The following ARHGAP22 variants were observed in gnomAD, a reference collection of about 807,000 sequenced individuals.
The protein encoded by ARHGAP22 is Rho GTPase activating protein 22.
ARHGAP22 carries 48 observed loss-of-function variants against 59.1 expected under a neutral mutation model. The ratio of observed to expected loss-of-function variants is 0.81; its 90% CI spans 0.64 to 1.03. ARHGAP22 has a LOEUF of 1.03. ARHGAP22 is among the 50% of genes least tolerant of loss of function. The pLI, the probability that ARHGAP22 is intolerant of heterozygous loss-of-function variation, is 0.00. For missense variants in ARHGAP22, 1,015 were observed against 958.7 expected (o/e 1.06, Z -0.78); for synonymous variants, 445 against 416.4 (o/e 1.07, Z -0.84).
chr10:48,523,793 C>G (rs1365996712), intron 3 of ARHGAP22, among the ~76,000 whole-genome samples: 3 of 151,806 alleles, frequency 2.0e-5, no homozygotes, highest in Non-Finnish European at 4.4e-5. Flanking sequence ...TCTACCCACT[C>G]CCGCCCAGGG....
At chr10:48,588,793 C>T (rs528451476) in intron 1 of ARHGAP22, among the ~76,000 whole-genome samples, 25 of 152,320 alleles carry the variant, frequency 1.6e-4, no homozygotes, top group African/African-American at 4.8e-4. Context: ...ACAACCACCA[C>T]GGAGGGATGA....
intron 3 of ARHGAP22, chr10:48,523,920 C>A (rs1263637097): frequency 1.6e-6 from 1 of 632,186 alleles, no homozygotes; most frequent in Non-Finnish European, 2.3e-6. Context: ...GAGCAGCAGC[C>A]GCACCTGAGC....
chr10:48,652,112 A>G (rs1453612490), intron 1 of ARHGAP22: 22 of 939,980 alleles, frequency 2.3e-5, no homozygotes, highest in African/African-American at 4.9e-5. Flanking sequence ...AACCCTGACC[A>G]CAGATGCCGC....
intron 3 of ARHGAP22, among the ~76,000 whole-genome samples, chr10:48,504,024 G>A (rs1405963618): frequency 6.6e-6 from 1 of 152,230 alleles, no homozygotes; most frequent in East Asian, 1.9e-4. Context: ...TGTTCAGGAA[G>A]CTATCCCAGG....
At chr10:48,481,067 G>A (rs1038793975) in intron 3 of ARHGAP22, among the ~76,000 whole-genome samples, 1 of 152,254 alleles carries the variant, frequency 6.6e-6, no homozygotes, top group Non-Finnish European at 1.5e-5. Context: ...AACCTCTGGA[G>A]CCCTTCACTA....
intron 4 of ARHGAP22, among the ~76,000 whole-genome samples, chr10:48,460,977 G>A (rs1486177199): frequency 1.3e-5 from 2 of 152,236 alleles, no homozygotes; most frequent in African/African-American, 4.8e-5. Flanking sequence ...AGGAGCTGGG[G>A]ACAGGGGAGA....
intron 1 of ARHGAP22, among the ~76,000 whole-genome samples, chr10:48,626,171 C>G (rs979303853): frequency 1.3e-5 from 2 of 152,290 alleles, no homozygotes; most frequent in Non-Finnish European, 2.9e-5. Context: ...CTAACCCTAT[C>G]CCACCCCTAA....
At chr10:48,523,711 C>T (rs1047365082) in intron 3 of ARHGAP22, among the ~76,000 whole-genome samples, 1 of 151,992 alleles carries the variant, frequency 6.6e-6, no homozygotes, top group Admixed American at 6.5e-5. Context: ...CCGTCCCGGC[C>T]GTGGACTTGG....
intron 3 of ARHGAP22, among the ~76,000 whole-genome samples, chr10:48,540,548 T>C (rs192190915): frequency 1.3e-5 from 2 of 152,290 alleles, no homozygotes; most frequent in Non-Finnish European, 2.9e-5. Context: ...GTCAATTCTT[T>C]ATATGGAGGA....
chr10:48,503,399 T>C (rs2051737177), intron 3 of ARHGAP22, among the ~76,000 whole-genome samples: 1 of 152,216 alleles, frequency 6.6e-6, no homozygotes, highest in Admixed American at 6.5e-5. Context: ...CAGCTTCCAG[T>C]GTCAACCTGT....
intron 1 of ARHGAP22, among the ~76,000 whole-genome samples, chr10:48,639,640 A>T (rs954640534): frequency 2.6e-5 from 4 of 152,214 alleles, no homozygotes; most frequent in African/African-American, 7.2e-5. Context: ...CAAATATAAC[A>T]GATATTAGTG....
At chr10:48,601,136 G>A (rs926501014) in intron 1 of ARHGAP22, among the ~76,000 whole-genome samples, 2 of 152,226 alleles carry the variant, frequency 1.3e-5, no homozygotes, top group Non-Finnish European at 2.9e-5. Context: ...GTCATAGGGA[G>A]CCATCATGGT....
rs565389326 is a variant in ARHGAP22, at chr10:48,639,436, G to A, written c.52+12798C>T. ...AGGTCCAACAGAAAGTAAAAGCCAA[G>A]GCAGTCTTGAAAACAACCTGAACTT... On this transcript the variant is annotated intron_variant, in intron 1 of 9. Transcript: ENST00000435790. Among the ~76,000 whole-genome samples, 263 of 152,306 alleles carry A rather than the reference G, an allele frequency of 1.7e-3. 1 individual carries two copies. Among genetic ancestry groups the A allele is most frequent in the African/African-American group, 5.9e-3 (247 of 41,558 alleles).
chr10:48,462,251 G>GC (rs2047214028), intron 4 of ARHGAP22, among the ~76,000 whole-genome samples: 1 of 131,352 alleles, frequency 7.6e-6, no homozygotes, highest in African/African-American at 2.8e-5. Context: ...TTCGGGGTGG[G>GC]GGGGGGGCAC....
Position 48,450,643 on chromosome 10 carries a change from G to A in ARHGAP22, c.1486C>T (p.Pro496Ser), listed in dbSNP as rs764502861. Residue 496 changes from proline (P) to serine (S), a missense_variant, in exon 9 of 10, where the codon CCC (proline) becomes TCC (serine). Coordinates refer to ENST00000249601, the MANE Select transcript of ARHGAP22 (RefSeq NM_021226.4). Reference protein sequence around the residue: ...VQRLSTYDNVPAPGLVPGIPS... With the variant: ...VQRLSTYDNVSAPGLVPGIPS... ...ATGCCGGGGACCAGGCCCGGCGCGG[G>A]CACATTGTCGTAGGTGGAGAGTCTC... is the stretch of plus-strand genomic sequence containing the variant. 2 of 1,549,904 alleles carry A rather than the reference G, an allele frequency of 1.3e-6. No homozygotes were observed. Among genetic ancestry groups the A allele is most frequent in the Admixed American group, 2.0e-5 (1 of 51,024 alleles).
At chr10:48,560,000 TGGCTCCCCAAAA>T (rs1026779268) in intron 2 of ARHGAP22, among the ~76,000 whole-genome samples, 1 of 152,208 alleles carries the variant, frequency 6.6e-6, no homozygotes, top group Admixed American at 6.5e-5. Context: ...GGTAGAATAA[TGGCTCCCCAAAA>T]GATATGCCTG....
At chr10:48,565,910 A>T (rs2058019836) in intron 2 of ARHGAP22, among the ~76,000 whole-genome samples, 1 of 152,236 alleles carries the variant, frequency 6.6e-6, no homozygotes, top group South Asian at 2.1e-4. Flanking sequence ...AACAGACTTC[A>T]GTAGTCCTAG....
At chr10:48,615,140 G>C (rs1430642176) in intron 1 of ARHGAP22, among the ~76,000 whole-genome samples, 3 of 152,134 alleles carry the variant, frequency 2.0e-5, no homozygotes, top group Non-Finnish European at 4.4e-5. Context: ...GAATGATCAG[G>C]AAAGACCCAA....
chr10:48,645,021 G>A (rs1310903016), intron 1 of ARHGAP22, among the ~76,000 whole-genome samples: 1 of 152,062 alleles, frequency 6.6e-6, no homozygotes, highest in South Asian at 2.1e-4. Context: ...AAATGGAAAA[G>A]CCTTTATCTG....
Sources: gnomAD v4.1 joint callset for allele counts (sites outside exome capture counted in the v4.1 genomes callset) on GRCh38, gnomAD v4.1.1 for gene constraint, MANE v1.5 for transcripts, NCBI Gene and HGNC (gene_info 2026-07-23, HGNC 2026-07-21) for gene names.